Variants in LRFN2 observed in about 807,000 individuals in gnomAD.
The protein encoded by LRFN2 is leucine-rich repeat and fibronectin type-III domain-containing protein 2.
Under a neutral mutation model 37.3 loss-of-function variants are expected in LRFN2, and 18 were observed. The ratio of observed to expected loss-of-function variants is 0.48; its 90% CI spans 0.33 to 0.72. The LOEUF is 0.72. Among genes scored for constraint, LRFN2 ranks in the 30% least tolerant of loss-of-function variants. LRFN2 has a pLI of 0.02. For missense variants in LRFN2, 1,006 were observed against 1,060.7 expected, an observed-to-expected ratio of 0.95 and a Z score of 0.72; for synonymous variants, 556 against 466.6, an observed-to-expected ratio of 1.19 and a Z score of -2.47.
intron 1 of LRFN2, among the ~76,000 whole-genome samples, chr6:40,439,535 A>G (rs532038195): frequency 1.8e-4 from 27 of 152,222 alleles, no homozygotes; most frequent in Admixed American, 1.8e-3. Context: ...CTGATTTGGG[A>G]GTTGCTGGGG....
intron 1 of LRFN2, among the ~76,000 whole-genome samples, chr6:40,572,106 G>T (rs2113795046): frequency 6.6e-6 from 1 of 152,344 alleles, no homozygotes; most frequent in East Asian, 1.9e-4. Context: ...AGGGTGTAGG[G>T]CCAAATCCCT....
intron 1 of LRFN2, among the ~76,000 whole-genome samples, chr6:40,486,393 G>T (rs1182419992): frequency 6.6e-6 from 1 of 152,210 alleles, no homozygotes. Context: ...GGATGCATCT[G>T]TAACAAAAGG....
intron 1 of LRFN2, among the ~76,000 whole-genome samples, chr6:40,563,598 A>C (rs924454763): frequency 6.6e-6 from 1 of 152,130 alleles, no homozygotes; most frequent in Non-Finnish European, 1.5e-5. Flanking sequence ...GTAGATATGG[A>C]AGCAGCTGAG....
chr6:40,509,640 T>A (rs954607193), intron 1 of LRFN2, among the ~76,000 whole-genome samples: 1 of 151,186 alleles, frequency 6.6e-6, no homozygotes, highest in Non-Finnish European at 1.5e-5. Flanking sequence ...TGCATGCGGG[T>A]ATGCCAGGGA....
intron 1 of LRFN2, among the ~76,000 whole-genome samples, chr6:40,544,842 G>T (rs982869915): frequency 3.3e-5 from 5 of 152,314 alleles, no homozygotes; most frequent in Admixed American, 2.6e-4. Flanking sequence ...CCTAAGCAAG[G>T]TTCCTTTCCT....
rs549930315 is a variant in LRFN2, at chr6:40,530,754, C to G, written c.-19+56187G>C. 1.4e-4 allele frequency among the ~76,000 whole-genome samples: 21 copies of G among 152,244 alleles called. No homozygotes were observed. The East Asian group carries it at 3.7e-3, about 27-fold the overall frequency. ...CCCTCAGTTCTATGCTTCTACCAGG[C>G]CTGGTCCAAGCTCCTCACACTCACT... On this transcript the variant is annotated intron_variant, in intron 1 of 2. Transcript: ENST00000338305.
chr6:40,482,397 C>T (rs1341879215), intron 1 of LRFN2, among the ~76,000 whole-genome samples: 2 of 152,046 alleles, frequency 1.3e-5, no homozygotes, highest in Middle Eastern at 3.2e-3. Flanking sequence ...CTGGGGACCA[C>T]GTGGAGGAGC....
rs61731041 is a variant in LRFN2, at chr6:40,432,219, G to C, written c.895C>G (p.Leu299Val). ...PLITQHTHKL[L>V]VLEGQAATLK... ...GTGGCCGCCTGGCCCTCCAGAACCA[G>C]CAACTTGTGTGTGTGCTGGGTGATG... The change falls in exon 2 of 3, where the codon CTG (leucine) becomes GTG (valine). Residue 299 changes from leucine (L) to valine (V), a missense_variant. By Grantham distance (32) the Leu-to-Val change is conservative. Coordinates refer to ENST00000338305, the MANE Select transcript of LRFN2 (RefSeq NM_020737.3). The C allele has an allele frequency of 6.2e-7, 1 of 1,613,996 alleles. No individual in the cohort carries two copies. The highest frequency in any genetic ancestry group is 1.7e-5 in the Admixed American group (1 of 60,032).
intron 2 of LRFN2, among the ~76,000 whole-genome samples, chr6:40,406,786 C>T (rs12195243): frequency 0.019 from 2,865 of 152,348 alleles, 45 homozygotes; most frequent in East Asian, 0.056. Flanking sequence ...TGAGGCCACT[C>T]TCTCATCCCA....
intron 2 of LRFN2, 31 bp downstream of exon 2, chr6:40,431,683 C>G: frequency 6.7e-7 from 1 of 1,497,480 alleles, no homozygotes; most frequent in Non-Finnish European, 8.9e-7. Flanking sequence ...GCCAGACACC[C>G]TCCCTGCCTT....
At chr6:40,583,787 A>G (rs1435198778) in intron 1 of LRFN2, among the ~76,000 whole-genome samples, 1 of 152,130 alleles carries the variant, frequency 6.6e-6, no homozygotes, top group South Asian at 2.1e-4. Context: ...ACAGAGCTGT[A>G]TCCATTCACT....
chr6:40,499,717 C>T (rs1211426936), intron 1 of LRFN2, among the ~76,000 whole-genome samples: 4 of 152,100 alleles, frequency 2.6e-5, no homozygotes, highest in Non-Finnish European at 5.9e-5. Flanking sequence ...ACCAGTGACC[C>T]ACTCCCCCTT....
chr6:40,398,612 T>C (rs1762663371), intron 2 of LRFN2, among the ~76,000 whole-genome samples: 1 of 151,828 alleles, frequency 6.6e-6, no homozygotes, highest in African/African-American at 2.4e-5. Context: ...GAGAGATTTC[T>C]TTCCATCATG....
chr6:40,476,589 T>C (rs193060249), intron 1 of LRFN2, among the ~76,000 whole-genome samples: 1 of 152,364 alleles, frequency 6.6e-6, no homozygotes, highest in Admixed American at 6.5e-5. Context: ...CCTGGCAAAC[T>C]TGTATACACC....
rs148369037 is a variant in LRFN2 at position 40,425,311 on chromosome 6, C to T, written c.1400+6403G>A. On this transcript the variant is annotated intron_variant, in intron 2 of 2. Transcript: ENST00000338305. ...AGCAACACAAGGCATGGCTGCATCC[C>T]GGCTGACTGCCTTAGGAGCATGCCT... Among the ~76,000 whole-genome samples, 22 of 152,324 alleles carry T rather than the reference C, an allele frequency of 1.4e-4. No individual in the cohort carries two copies. The East Asian group carries it at 3.7e-3, about 25-fold the overall frequency.
chr6:40,568,481 A>G (rs1297789117), intron 1 of LRFN2, among the ~76,000 whole-genome samples: 2 of 152,226 alleles, frequency 1.3e-5, no homozygotes, highest in Non-Finnish European at 2.9e-5. Context: ...AAAAAAAGTT[A>G]TGTATGTGGG....
intron 1 of LRFN2, among the ~76,000 whole-genome samples, chr6:40,550,479 G>A (rs185432165): frequency 8.3e-4 from 126 of 152,246 alleles, no homozygotes; most frequent in Admixed American, 2.6e-3. Context: ...CGTCAAAGTA[G>A]CACAGAAGAG....
At chr6:40,560,655 A>C (rs940872775) in intron 1 of LRFN2, among the ~76,000 whole-genome samples, 5 of 152,228 alleles carry the variant, frequency 3.3e-5, no homozygotes, top group African/African-American at 4.8e-5. Flanking sequence ...TCGGTTGGTC[A>C]TGGAATCAAT....
chr6:40,471,998 C>A (rs1158933247), intron 1 of LRFN2, among the ~76,000 whole-genome samples: 1 of 152,222 alleles, frequency 6.6e-6, no homozygotes, highest in East Asian at 1.9e-4. Context: ...CACAGGGACC[C>A]AGTGACTTGC....
Sources: gnomAD v4.1 joint callset for allele counts (sites outside exome capture counted in the v4.1 genomes callset) on GRCh38, gnomAD v4.1.1 for gene constraint, MANE v1.5 for transcripts, NCBI Gene and HGNC (gene_info 2026-07-23, HGNC 2026-07-21) for gene names.